BBS9: variants seen among roughly 807,000 people sequenced by gnomAD.
BBS9 encodes Bardet-Biedl syndrome 9, also known as protein PTHB1.
A neutral mutation model predicts 117.7 loss-of-function variants in BBS9; 89 were observed. The observed-to-expected ratio is 0.76, with a 90% CI of 0.64 to 0.90. The LOEUF (loss-of-function observed/expected upper bound fraction) is 0.90, where lower values mean the gene tolerates loss of function less well. Among genes scored for constraint, BBS9 ranks in the 40% least tolerant of loss-of-function variants. The pLI, the probability that BBS9 is intolerant of heterozygous loss-of-function variation, is 0.00. For missense variants in BBS9, 982 were observed against 1,042.2 expected (o/e 0.94, Z 0.80); for synonymous variants, 379 against 370.9 (o/e 1.02, Z -0.25).
chr7:33,344,547 ATTCT>A (rs1355747667), intron 11 of BBS9, 30 bp from the exon 12 acceptor site: 3 of 1,605,598 alleles, frequency 1.9e-6, no homozygotes, highest in Non-Finnish European at 2.6e-6. Context: ...TATTGACATC[ATTCT>A]TTCTTGCCTT....
intron 19 of BBS9, among the ~76,000 whole-genome samples, chr7:33,407,995 G>T (rs1174194292): frequency 1.3e-5 from 2 of 152,252 alleles, no homozygotes; most frequent in African/African-American, 4.8e-5. Flanking sequence ...TAAGTCTGCA[G>T]AGGTTACTGC....
chr7:33,275,098 ATAT>A (rs145813528), intron 9 of BBS9, among the ~76,000 whole-genome samples: 4,237 of 152,002 alleles, frequency 0.028, 210 homozygotes, highest in African/African-American at 0.097. Flanking sequence ...CTTGAGTGTA[ATAT>A]TATTGTTGAA....
intron 19 of BBS9, among the ~76,000 whole-genome samples, chr7:33,465,532 T>G (rs1170888805): frequency 2.0e-5 from 3 of 152,188 alleles, no homozygotes; most frequent in African/African-American, 7.2e-5. Flanking sequence ...TATTAACGGA[T>G]TTCAGTGCAC....
At chr7:33,504,873 C>G (rs1232228456) in intron 19 of BBS9, among the ~76,000 whole-genome samples, 2 of 148,470 alleles carry the variant, frequency 1.3e-5, no homozygotes, top group East Asian at 3.9e-4. Context: ...TCTTTCAGGT[C>G]CCTGTGGGCT....
At chr7:33,581,789 A>G (rs1859974573) in intron 21 of BBS9, among the ~76,000 whole-genome samples, 1 of 152,174 alleles carries the variant, frequency 6.6e-6, no homozygotes, top group African/African-American at 2.4e-5. Flanking sequence ...AAAAGCCATA[A>G]TATATATAGC....
intron 9 of BBS9, among the ~76,000 whole-genome samples, chr7:33,281,468 A>G (rs1164221842): frequency 1.4e-5 from 2 of 143,814 alleles, no homozygotes; most frequent in Admixed American, 7.5e-5. Flanking sequence ...TGAATGCCTC[A>G]GTTCAAGCAA....
intron 19 of BBS9, among the ~76,000 whole-genome samples, chr7:33,395,365 T>C (rs1193638175): frequency 6.6e-6 from 1 of 152,188 alleles, no homozygotes; most frequent in Admixed American, 6.6e-5. Flanking sequence ...TTCACATAAA[T>C]TTGTTAGTCA....
At chr7:33,435,860 C>T (rs1217156757) in intron 19 of BBS9, among the ~76,000 whole-genome samples, 2 of 152,062 alleles carry the variant, frequency 1.3e-5, no homozygotes, top group Admixed American at 6.6e-5. Context: ...CTTTTGTGTT[C>T]ATTATTATCA....
intron 19 of BBS9, among the ~76,000 whole-genome samples, chr7:33,497,708 A>T (rs1844920070): frequency 6.6e-6 from 1 of 152,156 alleles, no homozygotes; most frequent in South Asian, 2.1e-4. Flanking sequence ...ATAAAGGGAA[A>T]TCCAACGTTG....
chr7:33,227,390 C>A (rs1181823588), intron 5 of BBS9, among the ~76,000 whole-genome samples: 2 of 152,000 alleles, frequency 1.3e-5, no homozygotes, highest in South Asian at 2.1e-4. Context: ...TCAAGTGATC[C>A]CCTGCCTTGA....
chr7:33,169,744 T>C (rs1261831857), intron 4 of BBS9, among the ~76,000 whole-genome samples: 1 of 152,034 alleles, frequency 6.6e-6, no homozygotes, highest in Non-Finnish European at 1.5e-5. Flanking sequence ...GCGAAAATTG[T>C]CTCCCATTTT....
intron 2 of BBS9, among the ~76,000 whole-genome samples, chr7:33,148,122 T>C (rs1792703093): frequency 6.6e-6 from 1 of 152,196 alleles, no homozygotes; most frequent in African/African-American, 2.4e-5. Flanking sequence ...GTTGATCTTA[T>C]AGAATGGAAA....
intron 11 of BBS9, among the ~76,000 whole-genome samples, chr7:33,343,383 TA>T (rs1431365970): frequency 1.3e-5 from 2 of 152,186 alleles, no homozygotes; most frequent in African/African-American, 4.8e-5. Context: ...ATGTATTCTT[TA>T]AGAGGAAGGA....
intron 21 of BBS9, among the ~76,000 whole-genome samples, chr7:33,633,878 TC>T (rs1866015969): frequency 2.0e-5 from 3 of 152,194 alleles, no homozygotes; most frequent in Non-Finnish European, 4.4e-5. Flanking sequence ...TGTTTCCCTA[TC>T]CAGCCCTCTT....
chr7:33,177,659 C>G, intron 5 of BBS9, 68 bp downstream of exon 5: 1 of 1,147,542 alleles, frequency 8.7e-7, no homozygotes, highest in Non-Finnish European at 1.3e-6. Context: ...TCATATAAAA[C>G]AGAGGATTAA....
At chr7:33,608,498 C>A (rs1864700414), downstream of BBS9, among the ~76,000 whole-genome samples, 1 of 152,090 alleles carries the variant, frequency 6.6e-6, no homozygotes, top group African/African-American at 2.4e-5. Flanking sequence ...ACATTTCCAG[C>A]AAAAGTGTAC....
intron 19 of BBS9, among the ~76,000 whole-genome samples, chr7:33,460,871 C>T (rs1839365653): frequency 6.6e-6 from 1 of 152,026 alleles, no homozygotes; most frequent in South Asian, 2.1e-4. Flanking sequence ...ACGCCTTACC[C>T]AATAAGCAGT....
chr7:33,204,618 G>A (rs1459000024), intron 5 of BBS9, among the ~76,000 whole-genome samples: 2 of 152,008 alleles, frequency 1.3e-5, no homozygotes, highest in Non-Finnish European at 2.9e-5. Flanking sequence ...TCTTCATTCA[G>A]ATGAAAACCT....
At chr7:33,326,063 C>T (rs143220487) in intron 9 of BBS9, among the ~76,000 whole-genome samples, 1 of 152,178 alleles carries the variant, frequency 6.6e-6, no homozygotes, top group East Asian at 1.9e-4. Context: ...GGCTTGTGTC[C>T]TTCCCTTTTG....
Sources: gnomAD v4.1 joint callset for allele counts (sites outside exome capture counted in the v4.1 genomes callset) on GRCh38, gnomAD v4.1.1 for gene constraint, MANE v1.5 for transcripts, NCBI Gene and HGNC (gene_info 2026-07-23, HGNC 2026-07-21) for gene names.